PVT1: variants seen among roughly 807,000 people sequenced by gnomAD.
PVT1 encodes CXCR4/PVT1 fusion.
intron 2 of PVT1, among the ~76,000 whole-genome samples, chr8:127,831,767 A>G (rs896950064): frequency 6.6e-6 from 1 of 152,232 alleles, no homozygotes; most frequent in Non-Finnish European, 1.5e-5. Context: ...TGAGTCACAC[A>G]GAAGTGACTG....
intron 4 of PVT1, among the ~76,000 whole-genome samples, chr8:128,000,781 G>A (rs145551141): frequency 6.6e-6 from 1 of 152,116 alleles, no homozygotes; most frequent in Non-Finnish European, 1.5e-5. Flanking sequence ...CAGCTGCGTT[G>A]TGCTACTATC....
intron 3 of PVT1, among the ~76,000 whole-genome samples, chr8:127,957,566 CAAAAAAA>C (rs56796489): frequency 3.3e-5 from 3 of 91,810 alleles, no homozygotes; most frequent in African/African-American, 3.9e-5. Flanking sequence ...GACTCCGTCT[CAAAAAAA>C]AAAAAAAAAA....
chr8:127,983,862 C>T (rs1816911680), intron 3 of PVT1: 1 of 146,362 alleles, frequency 6.8e-6, no homozygotes, highest in Non-Finnish European at 1.5e-5. Flanking sequence ...GTTCCCCAGT[C>T]ATACTTGACT....
intron 4 of PVT1, among the ~76,000 whole-genome samples, chr8:128,037,769 C>T (rs772683997): frequency 1.3e-4 from 20 of 152,168 alleles, no homozygotes; most frequent in South Asian, 1.0e-3. Context: ...ATGCTGCTCG[C>T]GTTGGTGGCT....
intron 3 of PVT1, among the ~76,000 whole-genome samples, chr8:127,945,718 T>C (rs1816412074): frequency 6.6e-6 from 1 of 152,254 alleles, no homozygotes; most frequent in African/African-American, 2.4e-5. Context: ...TGAGCAGTTT[T>C]TTCTGTCACG....
At chr8:127,920,738 A>C (rs984477453) in intron 3 of PVT1, among the ~76,000 whole-genome samples, 1 of 152,188 alleles carries the variant, frequency 6.6e-6, no homozygotes, top group Admixed American at 6.5e-5. Flanking sequence ...TTTGGATAGA[A>C]TGGATAATAT....
chr8:127,913,238 G>C (rs557500722), intron 3 of PVT1, among the ~76,000 whole-genome samples: 3 of 152,296 alleles, frequency 2.0e-5, no homozygotes, highest in Admixed American at 6.5e-5. Context: ...TGTGCCTTCT[G>C]CTGGTTTGGA....
intron 2 of PVT1, among the ~76,000 whole-genome samples, chr8:127,822,230 C>T (rs1814739738): frequency 6.6e-6 from 1 of 152,092 alleles, no homozygotes; most frequent in South Asian, 2.1e-4. Flanking sequence ...CCTGAGGACA[C>T]AAGGATGGAA....
At chr8:127,931,357 AATG>A (rs1408808976) in intron 3 of PVT1, among the ~76,000 whole-genome samples, 1 of 152,212 alleles carries the variant, frequency 6.6e-6, no homozygotes, top group Non-Finnish European at 1.5e-5. Flanking sequence ...GACTCTGCTG[AATG>A]CAGGCCCCAT....
intron 3 of PVT1, among the ~76,000 whole-genome samples, chr8:127,903,610 A>G (rs901323269): frequency 6.6e-6 from 1 of 152,128 alleles, no homozygotes; most frequent in African/African-American, 2.4e-5. Context: ...TGTGGTGATA[A>G]ATAGGGATTC....
At chr8:127,803,576 T>C (rs1317156582) in intron 2 of PVT1, 1 of 152,236 alleles carries the variant, frequency 6.6e-6, no homozygotes, top group Non-Finnish European at 1.5e-5. Context: ...GACTTAAGAA[T>C]TCCAGGATTT....
At chr8:127,914,164 G>C (rs1815948002) in intron 3 of PVT1, among the ~76,000 whole-genome samples, 1 of 146,978 alleles carries the variant, frequency 6.8e-6, no homozygotes, top group Non-Finnish European at 1.5e-5. Context: ...AAGATGCTCA[G>C]TAGCCATGGT....
chr8:127,897,270 G>A (rs1815691082), intron 3 of PVT1, among the ~76,000 whole-genome samples: 3 of 152,202 alleles, frequency 2.0e-5, no homozygotes, highest in Admixed American at 6.5e-5. Context: ...CCAGGTGGGT[G>A]CATTTGGGCC....
At chr8:127,990,871 T>C (rs2392885) in intron 4 of PVT1, among the ~76,000 whole-genome samples, 43,242 of 151,940 alleles carry the variant, frequency 0.28, 6,351 homozygotes, top group East Asian at 0.44. Flanking sequence ...GTGGAGGGGA[T>C]TTTCTCCATG....
At chr8:127,895,689 T>TA (rs1815666322) in intron 3 of PVT1, among the ~76,000 whole-genome samples, 1 of 152,160 alleles carries the variant, frequency 6.6e-6, no homozygotes, top group Admixed American at 6.5e-5. Context: ...ATGAGTGAGT[T>TA]ACTAAAATTT....
At chr8:127,808,963 G>A (rs894114481) in intron 2 of PVT1, among the ~76,000 whole-genome samples, 11 of 147,342 alleles carry the variant, frequency 7.5e-5, no homozygotes, top group Admixed American at 6.8e-4. Context: ...CCGGGAGGCG[G>A]AGGTTGCAGT....
At chr8:128,025,241 G>A (rs985503959) in intron 4 of PVT1, among the ~76,000 whole-genome samples, 2 of 152,156 alleles carry the variant, frequency 1.3e-5, no homozygotes, top group Non-Finnish European at 2.9e-5. Context: ...GATGCCTTCC[G>A]TCATTGCACC....
At chr8:127,931,786 CT>C (rs1305322241) in intron 3 of PVT1, among the ~76,000 whole-genome samples, 1 of 152,254 alleles carries the variant, frequency 6.6e-6, no homozygotes, top group Non-Finnish European at 1.5e-5. Context: ...GTCCACCACC[CT>C]AATAAAGCCA....
intron 3 of PVT1, chr8:127,960,653 C>T: frequency 1.9e-6 from 1 of 526,420 alleles, no homozygotes; most frequent in African/African-American, 1.9e-5. Flanking sequence ...GCAGGGTTTG[C>T]TTTGAGGTAC....
Sources: allele counts gnomAD v4.1 joint callset (sites outside exome capture counted in the v4.1 genomes callset), GRCh38; gene constraint gnomAD v4.1.1; transcripts MANE v1.5; gene names NCBI Gene and HGNC (gene_info 2026-07-23, HGNC 2026-07-21).